GSG1L: variants seen among roughly 807,000 people sequenced by gnomAD.
The protein encoded by GSG1L is germ cell-specific gene 1-like protein.
GSG1L carries 24 observed loss-of-function variants against 42.1 expected under a neutral mutation model. The observed-to-expected ratio is 0.57, with a 90% CI of 0.41 to 0.80. The LOEUF is 0.80. Among genes scored for constraint, GSG1L ranks in the 30% least tolerant of loss-of-function variants. The probability of loss-of-function intolerance (pLI) is 0.00; values close to 1 mark genes in which losing one functional copy is unlikely to be tolerated. For missense variants in GSG1L, 445 were observed against 472.2 expected, an observed-to-expected ratio of 0.94 and a Z score of 0.53; for synonymous variants, 215 against 203.5, an observed-to-expected ratio of 1.06 and a Z score of -0.48.
intron 1 of GSG1L, among the ~76,000 whole-genome samples, chr16:28,013,913 C>T (rs935148453): frequency 6.6e-6 from 1 of 152,228 alleles, no homozygotes; most frequent in Admixed American, 6.5e-5. Context: ...ATGTGGCTCA[C>T]TTCAGCCACA....
At chr16:28,046,017 A>G (rs2086154465) in intron 1 of GSG1L, among the ~76,000 whole-genome samples, 2 of 152,322 alleles carry the variant, frequency 1.3e-5, no homozygotes, top group South Asian at 4.1e-4. Context: ...AAATTAAATA[A>G]AAATTAAAGA....
At chr16:28,005,217 G>T (rs542108349) in intron 1 of GSG1L, among the ~76,000 whole-genome samples, 1 of 152,116 alleles carries the variant, frequency 6.6e-6, no homozygotes, top group Admixed American at 6.5e-5. Context: ...GGGTTCAAGC[G>T]ATTCTCCTGC....
intron 1 of GSG1L, among the ~76,000 whole-genome samples, chr16:28,055,113 T>A (rs1477578480): frequency 1.3e-5 from 2 of 152,178 alleles, no homozygotes; most frequent in Non-Finnish European, 2.9e-5. Flanking sequence ...CTCTGGCCTC[T>A]GAGGGGTGGT....
chr16:27,857,893 C>G (rs182438491), intron 3 of GSG1L, among the ~76,000 whole-genome samples: 1 of 140,300 alleles, frequency 7.1e-6, no homozygotes, highest in Admixed American at 7.0e-5. Flanking sequence ...GTTTTGCTCT[C>G]GGAGGGCCCT....
intron 4 of GSG1L, 73 bp from the exon 5 acceptor site, chr16:27,829,029 A>C: frequency 7.1e-7 from 1 of 1,410,714 alleles, no homozygotes; most frequent in Non-Finnish European, 9.8e-7. Context: ...CACCCACCAA[A>C]CATTCATTCA....
At chr16:28,042,790 T>C (rs1258621760) in intron 1 of GSG1L, among the ~76,000 whole-genome samples, 1 of 152,176 alleles carries the variant, frequency 6.6e-6, no homozygotes, top group Non-Finnish European at 1.5e-5. Context: ...CGAAAGCATG[T>C]GTTTGCGTCC....
At chr16:28,034,332 G>T (rs938849565) in intron 1 of GSG1L, among the ~76,000 whole-genome samples, 3 of 148,204 alleles carry the variant, frequency 2.0e-5, no homozygotes, top group Non-Finnish European at 3.0e-5. Flanking sequence ...CCGAGTTCCT[G>T]GTCTGGGCAT....
intron 2 of GSG1L, among the ~76,000 whole-genome samples, chr16:27,906,295 C>G (rs1011848812): frequency 2.0e-5 from 3 of 152,158 alleles, no homozygotes; most frequent in Admixed American, 1.3e-4. Flanking sequence ...AATTTTTCAA[C>G]TAAGAGCTTC....
intron 1 of GSG1L, among the ~76,000 whole-genome samples, chr16:28,050,468 G>A (rs1253155537): frequency 6.6e-6 from 1 of 152,152 alleles, no homozygotes; most frequent in Non-Finnish European, 1.5e-5. Flanking sequence ...ACCCAGGTAG[G>A]AGGACAGATC....
At chr16:27,841,811 A>G (rs2083384425) in intron 4 of GSG1L, among the ~76,000 whole-genome samples, 1 of 152,092 alleles carries the variant, frequency 6.6e-6, no homozygotes, top group Non-Finnish European at 1.5e-5. Context: ...CAGGGCAGAA[A>G]TCCCTGGCTT....
intron 2 of GSG1L, among the ~76,000 whole-genome samples, chr16:27,958,411 T>TAAAAAA (rs767157230): frequency 1.7e-5 from 2 of 117,568 alleles, no homozygotes; most frequent in African/African-American, 3.1e-5. Flanking sequence ...AGACTCCATC[T>TAAAAAA]AAAAAAAAAA....
intron 2 of GSG1L, among the ~76,000 whole-genome samples, chr16:27,947,699 C>T (rs965767701): frequency 1.3e-5 from 2 of 151,984 alleles, no homozygotes; most frequent in African/African-American, 2.4e-5. Context: ...ATGTCAGGGT[C>T]GGGCTAAGGG....
intron 6 of GSG1L, among the ~76,000 whole-genome samples, chr16:27,795,935 T>C (rs2082813132): frequency 6.6e-6 from 1 of 151,938 alleles, no homozygotes; most frequent in Non-Finnish European, 1.5e-5. Context: ...TTAAATCACA[T>C]CTACTGTTCC....
At chr16:27,817,280 C>T (rs1404188185) in intron 5 of GSG1L, among the ~76,000 whole-genome samples, 2 of 152,202 alleles carry the variant, frequency 1.3e-5, no homozygotes, top group African/African-American at 4.8e-5. Flanking sequence ...CCAGCCTCCA[C>T]TGCCCCTGCT....
chr16:27,849,059 G>A (rs2083475061), intron 3 of GSG1L, among the ~76,000 whole-genome samples: 1 of 152,010 alleles, frequency 6.6e-6, no homozygotes, highest in Non-Finnish European at 1.5e-5. Context: ...AGCCAGGTGT[G>A]GTGGCACATG....
intron 3 of GSG1L, among the ~76,000 whole-genome samples, chr16:27,865,531 A>G (rs1413187958): frequency 4.6e-4 from 4 of 8,604 alleles, no homozygotes. Context: ...TTCTATATAT[A>G]TATATATATA....
At chr16:27,902,395 C>G (rs1176589026) in intron 2 of GSG1L, among the ~76,000 whole-genome samples, 3 of 152,248 alleles carry the variant, frequency 2.0e-5, no homozygotes, top group East Asian at 3.9e-4. Flanking sequence ...TGGAACCCCT[C>G]TGGTGACATT....
intron 2 of GSG1L, among the ~76,000 whole-genome samples, chr16:27,900,792 A>G (rs955850144): frequency 2.7e-5 from 4 of 149,726 alleles, no homozygotes; most frequent in Non-Finnish European, 5.9e-5. Flanking sequence ...AAAGAAAGCC[A>G]ATTATATTGG....
intron 1 of GSG1L, among the ~76,000 whole-genome samples, chr16:28,058,631 A>C (rs2086305312): frequency 1.4e-5 from 2 of 145,630 alleles, no homozygotes; most frequent in South Asian, 2.2e-4. Context: ...AAAAAAAAAA[A>C]AAAAACAAAC....
Sources: allele counts gnomAD v4.1 joint callset (sites outside exome capture counted in the v4.1 genomes callset), GRCh38; gene constraint gnomAD v4.1.1; transcripts MANE v1.5; gene names NCBI Gene and HGNC (gene_info 2026-07-23, HGNC 2026-07-21).